NEXMIF: variants seen among roughly 807,000 people sequenced by gnomAD.
NEXMIF encodes XLMR protein related to neurite extension.
Under a neutral mutation model 62.1 loss-of-function variants are expected in NEXMIF, and 8 were observed. That is an observed-to-expected ratio of 0.13 (90% CI 0.08 to 0.23). NEXMIF has a LOEUF of 0.23. Ranked by LOEUF, NEXMIF falls within the 10% of genes least tolerant of loss-of-function variation. The pLI is 1.00. For synonymous variants in NEXMIF, 404 were observed against 416.6 expected (o/e 0.97, Z 0.37); for missense variants, 976 against 1,113.3 (o/e 0.88, Z 1.75).
intron 1 of NEXMIF, among the ~76,000 whole-genome samples, chrX:74,914,134 C>A (rs1026951563): frequency 9.0e-6 from 1 of 111,401 alleles, no homozygotes; most frequent in Admixed American, 9.5e-5. Flanking sequence ...GTTAAAGGAA[C>A]TTAAAGAGGG....
intron 1 of NEXMIF, among the ~76,000 whole-genome samples, chrX:74,855,692 G>A (rs1427541459): frequency 8.9e-6 from 1 of 111,932 alleles, no homozygotes; most frequent in Admixed American, 9.5e-5. Context: ...GAAGGCTAAG[G>A]CAAAGCTGTC....
intron 1 of NEXMIF, among the ~76,000 whole-genome samples, chrX:74,758,512 C>G (rs754911359): frequency 9.0e-6 from 1 of 111,453 alleles, no homozygotes; most frequent in African/African-American, 3.3e-5. Flanking sequence ...CACCCAGGGA[C>G]AAAGATTAGT....
At position 74,739,563 on chromosome X, in the gene NEXMIF, C is replaced by T. The variant is rs2080095285; in HGVS notation, c.4458-65G>A. Reference sequence around the variant, plus strand: ...TTTAGTGTATGTCCCACAAAGGGATCATACAAGCTAAATTTGTTAACATCA... The same window carrying T: ...TTTAGTGTATGTCCCACAAAGGGATTATACAAGCTAAATTTGTTAACATCA... On this transcript the variant is annotated intron_variant, in intron 3 of 3. Transcript: ENST00000055682. The T allele has an allele frequency of 3.6e-5, 24 of 670,808 alleles. No individual in the cohort carries two copies. The South Asian group carries it at 5.9e-4, about 17-fold the overall frequency. The allele number at this position is 670,808 out of a possible 1,213,427, so 55.3% of individuals were successfully genotyped here.
At chrX:74,820,553 G>C (rs2080391536) in intron 1 of NEXMIF, among the ~76,000 whole-genome samples, 1 of 111,384 alleles carries the variant, frequency 9.0e-6, no homozygotes, top group Non-Finnish European at 1.9e-5. Context: ...ACACATGCAT[G>C]AGTATGTTCA....
At chrX:74,791,833 T>C (rs1018786915) in intron 1 of NEXMIF, among the ~76,000 whole-genome samples, 1 of 111,173 alleles carries the variant, frequency 9.0e-6, no homozygotes, top group Admixed American at 9.6e-5. Flanking sequence ...ATCCCCTTTA[T>C]CATTTTTTAT....
chrX:74,920,481 T>C (rs1251495760), intron 1 of NEXMIF, among the ~76,000 whole-genome samples: 1 of 111,270 alleles, frequency 9.0e-6, no homozygotes, highest in East Asian at 2.8e-4. Context: ...TTGTTTGTTT[T>C]TTTCTTGTAA....
chrX:74,793,107 C>A (rs1325332631), intron 1 of NEXMIF, among the ~76,000 whole-genome samples: 15 of 111,276 alleles, frequency 1.3e-4, no homozygotes, highest in Non-Finnish European at 2.6e-4. Flanking sequence ...TTTGCAGCGG[C>A]TGGTTCCGGT....
chrX:74,889,973 TCTCTCTCA>T, intron 1 of NEXMIF, among the ~76,000 whole-genome samples: 1 of 99,332 alleles, frequency 1.0e-5, no homozygotes, highest in East Asian at 3.6e-4. Flanking sequence ...TCTCTCTCTC[TCTCTCTCA>T]TTCTCTCTCA....
At position 74,743,735 on chromosome X, in the gene NEXMIF, G is replaced by A. The variant is rs753057919; in HGVS notation, c.822C>T (p.Asp274=). ...CAGACAGCTCATTTTTGGAACAGAGGTCAAGCAGTTCAATCTTACTTTCAC... is the reference window on the plus strand; with the variant it reads ...CAGACAGCTCATTTTTGGAACAGAGATCAAGCAGTTCAATCTTACTTTCAC... ...FISESKIELL[D]LCSKNELSVN... is the part of the protein sequence containing the mutation. The change falls in exon 3 of 4, where the codon GAC becomes GAT. Residue 274 remains aspartate (D), a synonymous_variant. Transcript: ENST00000055682. 5.8e-6 allele frequency: 7 copies of A among 1,209,966 alleles called. No individual in the cohort carries two copies. The highest frequency in any genetic ancestry group is 1.7e-5 in the African/African-American group (1 of 57,180).
Position 74,830,341 on chromosome X carries a change from T to C in NEXMIF, c.-47-84644A>G, listed in dbSNP as rs549162535. ...CCATTGTATGTTCTTGGCATCTTTG[T>C]CGAACACGAGCTCATCATAGGTGTA... On this transcript the variant is annotated intron_variant, in intron 1 of 3. Coordinates refer to ENST00000055682, the MANE Select transcript of NEXMIF (RefSeq NM_001008537.3). 2.7e-5 allele frequency among the ~76,000 whole-genome samples: 3 copies of C among 111,929 alleles called. No homozygotes were observed. In the South Asian group the frequency reaches 1.1e-3, roughly 42 times the overall value.
In NEXMIF at chrX:74,734,057, A is replaced by G. The variant is rs2080079318; in HGVS notation, c.*5348T>C. 2 of 111,774 alleles carry G rather than the reference A, an allele frequency of 1.8e-5. No individual in the cohort carries two copies. Among genetic ancestry groups the G allele is most frequent in the South Asian group, 7.4e-4 (2 of 2,696 alleles). 9.2% of individuals were successfully genotyped at this position (111,774 alleles called of 1,213,427 possible). A position where few individuals can be genotyped will look rare whatever the true frequency, so the allele number is the denominator to read the frequency against. ...AGTGATCCTTAAGCTTTAAACTTCA[A>G]TTGATTCTACAGATTATTTATAAAG... is the stretch of plus-strand genomic sequence containing the variant. On this transcript the variant is annotated 3_prime_UTR_variant, in exon 4 of 4. Coordinates refer to ENST00000055682, the MANE Select transcript of NEXMIF (RefSeq NM_001008537.3).
chrX:74,863,625 T>G (rs912262985), intron 1 of NEXMIF, among the ~76,000 whole-genome samples: 1 of 110,925 alleles, frequency 9.0e-6, no homozygotes, highest in Non-Finnish European at 1.9e-5. Context: ...GAAATTGAGG[T>G]AGTAATAAAT....
chrX:74,890,769 G>A (rs1030192165), intron 1 of NEXMIF, among the ~76,000 whole-genome samples: 1 of 110,998 alleles, frequency 9.0e-6, no homozygotes, highest in African/African-American at 3.3e-5. Flanking sequence ...GAAAACACAA[G>A]AGATGGTGAG....
chrX:74,845,647 T>C (rs750345452), intron 1 of NEXMIF, among the ~76,000 whole-genome samples: 1 of 111,631 alleles, frequency 9.0e-6, no homozygotes, highest in Non-Finnish European at 1.9e-5. Context: ...TACTCTAATA[T>C]ACAAACCTAT....
chrX:74,766,120 G>A (rs2080194291), intron 1 of NEXMIF, among the ~76,000 whole-genome samples: 1 of 109,232 alleles, frequency 9.2e-6, no homozygotes, highest in African/African-American at 3.3e-5. Context: ...GCCTGATGAA[G>A]CCCCCTTTGT....
At chrX:74,852,013 T>C (rs749981529) in intron 1 of NEXMIF, among the ~76,000 whole-genome samples, 6 of 110,194 alleles carry the variant, frequency 5.4e-5, no homozygotes, top group Non-Finnish European at 1.1e-4. Flanking sequence ...TTAAAAGATA[T>C]AGATGGGCTG....
chrX:74,848,312 T>C (rs993339779), intron 1 of NEXMIF, among the ~76,000 whole-genome samples: 1 of 112,829 alleles, frequency 8.9e-6, no homozygotes, highest in Non-Finnish European at 1.9e-5. Flanking sequence ...ATTGAACCTG[T>C]ATTTGAATTG....
chrX:74,874,437 G>C (rs1459149234), intron 1 of NEXMIF, among the ~76,000 whole-genome samples: 1 of 110,301 alleles, frequency 9.1e-6, no homozygotes, highest in East Asian at 2.9e-4. Flanking sequence ...GATGCCTCCA[G>C]CTTTGTTCTT....
At chrX:74,914,208 T>C (rs376666805) in intron 1 of NEXMIF, among the ~76,000 whole-genome samples, 18 of 112,443 alleles carry the variant, frequency 1.6e-4, no homozygotes, top group African/African-American at 5.8e-4. Context: ...TAATAAGTTA[T>C]GTACTTACAG....
Sources: gnomAD v4.1 joint callset for allele counts (sites outside exome capture counted in the v4.1 genomes callset) on GRCh38, gnomAD v4.1.1 for gene constraint, MANE v1.5 for transcripts, NCBI Gene and HGNC (gene_info 2026-07-23, HGNC 2026-07-21) for gene names.